The following TNRC6A variants were observed in gnomAD, a reference collection of about 807,000 sequenced individuals.
TNRC6A encodes trinucleotide repeat-containing gene 6A protein.
In TNRC6A, 44 loss-of-function variants were observed where a neutral mutation model predicts 221.2. The observed-to-expected ratio is 0.20, with a 90% CI of 0.16 to 0.26. The LOEUF (loss-of-function observed/expected upper bound fraction) is 0.26, where lower values mean the gene tolerates loss of function less well. TNRC6A is among the 10% of genes least tolerant of loss of function. TNRC6A has a pLI of 1.00. For missense variants in TNRC6A, 2,199 were observed against 2,404.4 expected, an observed-to-expected ratio of 0.91 and a Z score of 1.79; for synonymous variants, 847 against 838.5, an observed-to-expected ratio of 1.01 and a Z score of -0.18.
At chr16:24,626,869 G>T (rs866091917) in intron 1 of TNRC6A, among the ~76,000 whole-genome samples, 5 of 151,020 alleles carry the variant, frequency 3.3e-5, no homozygotes, top group East Asian at 3.9e-4. Context: ...AGCCAGGAAG[G>T]TCTCGATCTC....
intron 6 of TNRC6A, among the ~76,000 whole-genome samples, chr16:24,792,219 G>C (rs2058117654): frequency 6.6e-6 from 1 of 151,874 alleles, no homozygotes; most frequent in Admixed American, 6.6e-5. Flanking sequence ...CTTTAGAAGG[G>C]ATTTTTTTTT....
chr16:24,762,854 G>A (rs1200049365), intron 4 of TNRC6A, among the ~76,000 whole-genome samples: 1 of 152,194 alleles, frequency 6.6e-6, no homozygotes, highest in Non-Finnish European at 1.5e-5. Context: ...GACAAGATGT[G>A]AAGGACACAC....
At chr16:24,663,919 G>A (rs1567336017) in intron 2 of TNRC6A, 1 of 456,662 alleles carries the variant, frequency 2.2e-6, no homozygotes. Flanking sequence ...TAAGCCGTTA[G>A]CAGTTATCCT....
intron 2 of TNRC6A, among the ~76,000 whole-genome samples, chr16:24,743,619 TTTTTA>T (rs2056940060): frequency 1.3e-5 from 2 of 152,204 alleles, no homozygotes; most frequent in African/African-American, 4.8e-5. Flanking sequence ...CCTGCAGAGC[TTTTTA>T]TTTTGAGTTA....
rs184202054 is a variant in TNRC6A, at chr16:24,767,211, C to T, written c.163+8851C>T. Among the ~76,000 whole-genome samples the T allele has an allele frequency of 3.2e-4, 48 of 152,242 alleles. No individual in the cohort carries two copies. In the East Asian group the frequency reaches 9.3e-3, roughly 29 times the overall value. On this transcript the variant is annotated intron_variant, in intron 4 of 24. Transcript: ENST00000395799. ...CTAAATTTTGCCTAATCCCAGGTGC[C>T]CCATTGGGAATACATACGCTGAAGA...
chr16:24,650,120 A>C (rs1298813418), intron 2 of TNRC6A, among the ~76,000 whole-genome samples: 1 of 150,822 alleles, frequency 6.6e-6, no homozygotes, highest in Non-Finnish European at 1.5e-5. Flanking sequence ...CACCACACCC[A>C]GCCTCCAGTC....
chr16:24,709,927 T>A (rs1343640779), intron 2 of TNRC6A, among the ~76,000 whole-genome samples: 5 of 152,264 alleles, frequency 3.3e-5, no homozygotes, highest in Non-Finnish European at 7.3e-5. Flanking sequence ...GGTATAAATT[T>A]TTTTTAAATT....
chr16:24,795,050 G>C (rs1436625691), intron 8 of TNRC6A, among the ~76,000 whole-genome samples: 1 of 152,078 alleles, frequency 6.6e-6, no homozygotes, highest in Admixed American at 6.6e-5. Context: ...CCATCCCACT[G>C]CCAGTTCATC....
chr16:24,756,589 T>C (rs1420653479), intron 3 of TNRC6A, among the ~76,000 whole-genome samples: 2 of 152,216 alleles, frequency 1.3e-5, no homozygotes, highest in African/African-American at 4.8e-5. Context: ...AGCATCTTTT[T>C]CCAAAGGAGT....
chr16:24,788,012 C>T (rs1313460864), intron 5 of TNRC6A, among the ~76,000 whole-genome samples: 2 of 152,188 alleles, frequency 1.3e-5, no homozygotes, highest in Non-Finnish European at 2.9e-5. Context: ...AGTCAGAATG[C>T]ACGTGACTTA....
intron 4 of TNRC6A, among the ~76,000 whole-genome samples, chr16:24,769,618 A>T (rs936184315): frequency 3.9e-5 from 6 of 152,126 alleles, no homozygotes; most frequent in Admixed American, 6.5e-5. Flanking sequence ...CACATTAATG[A>T]TCTCAGTGGC....
chr16:24,825,397 G>T lies in TNRC6A; in HGVS notation c.*1590G>T, dbSNP rs1259094537. On this transcript the variant is annotated 3_prime_UTR_variant, in exon 25 of 25. Transcript: ENST00000395799. The stretch of plus-strand genomic sequence containing the variant: ...AATGTGATTGTAAAATGTACAGTTT[G>T]GTTGTGTTTGAATTATGAAATTTCT... 6.6e-6 allele frequency: 1 copy of T among 152,542 alleles called. No homozygotes were observed. Among genetic ancestry groups the T allele is most frequent in the Admixed American group, 6.5e-5 (1 of 15,274 alleles). The allele number at this position is 152,542 out of a possible 1,614,324, so 9.4% of individuals were successfully genotyped here.
rs1265945413 is a variant in TNRC6A at position 24,691,515 on chromosome 16, T to C, written n.402+50506T>C. Among the ~76,000 whole-genome samples, 5 of 152,036 alleles carry C rather than the reference T, an allele frequency of 3.3e-5. No homozygotes were observed. In the East Asian group the frequency reaches 9.7e-4, roughly 29 times the overall value. ...CAGACGCGGTGGCTCACACCTGTAATCCCAGCACTTTGGGAAGCCAAAGTG... is the reference window on the plus strand; with the variant it reads ...CAGACGCGGTGGCTCACACCTGTAACCCCAGCACTTTGGGAAGCCAAAGTG... On this transcript the variant is annotated intron_variant and non_coding_transcript_variant, in intron 2 of 2. Transcript: ENST00000566108.
chr16:24,792,523 TATTA>T (rs1337166479), intron 6 of TNRC6A, among the ~76,000 whole-genome samples: 2 of 151,794 alleles, frequency 1.3e-5, no homozygotes, highest in African/African-American at 4.8e-5. Flanking sequence ...TAGTTTGTTG[TATTA>T]ATTTAGGTTT....
rs72770407 is a variant in TNRC6A, at chr16:24,789,576, C to T, written c.934C>T (p.Pro312Ser). ...NNVGHGSSTGPWGFSHGAIIS... is the reference protein window; with the variant it reads ...NNVGHGSSTGSWGFSHGAIIS... Reference sequence around the variant, plus strand: ...TGTGGGCCATGGAAGTAGTACTGGGCCATGGGGTTTTTCCCATGGAGCCAT... The same window carrying T: ...TGTGGGCCATGGAAGTAGTACTGGGTCATGGGGTTTTTCCCATGGAGCCAT... The change falls in exon 6 of 25, where the codon CCA becomes TCA. Residue 312 changes from proline to serine, a missense_variant. Physicochemically the swap from Pro to Ser is moderately conservative, Grantham distance 74. Transcript: ENST00000395799. 0.012 allele frequency: 18,649 copies of T among 1,614,004 alleles called. 190 individuals are homozygous for T. The highest frequency in any genetic ancestry group is 0.033 in the South Asian group (2,963 of 91,064).
chr16:24,706,246 T>TA (rs1446591484), intron 2 of TNRC6A, among the ~76,000 whole-genome samples: 2 of 152,140 alleles, frequency 1.3e-5, no homozygotes, highest in East Asian at 3.9e-4. Context: ...TTTATATCAA[T>TA]AAAAATACAT....
intron 2 of TNRC6A, among the ~76,000 whole-genome samples, chr16:24,746,330 G>A (rs2057010002): frequency 1.3e-5 from 2 of 152,176 alleles, no homozygotes; most frequent in South Asian, 2.1e-4. Context: ...GTAGGCCGAG[G>A]TAGGAGGATT....
At position 24,823,340 on chromosome 16, in the gene TNRC6A, T is replaced by G. The variant is rs2058806208; in HGVS notation, c.5514-92T>G. The G allele has an allele frequency of 6.8e-7, 1 of 1,479,950 alleles. No homozygotes were observed. The highest frequency in any genetic ancestry group is 2.1e-5 in the Admixed American group (1 of 48,390). 91.7% of individuals were successfully genotyped at this position (1,479,950 alleles called of 1,614,324 possible). ...CTCCCTCTGTGCCTTCTGTGGCTTT[T>G]CTAGCAGAGACAAGTTGCACCCTCA... On this transcript the variant is annotated intron_variant, in intron 24 of 24. Transcript: ENST00000395799. The surrounding 1 kb of genome is among the most constrained non-coding windows in gnomAD (Gnocchi z 4.3).
At position 24,789,728 on chromosome 16, in the gene TNRC6A, T is replaced by G. The variant is rs766659978; in HGVS notation, c.1086T>G (p.Asn362Lys). 1.2e-6 allele frequency: 2 copies of G among 1,614,238 alleles called. No individual in the cohort carries two copies. The highest frequency in any genetic ancestry group is 2.7e-5 in the African/African-American group (2 of 75,070). Residue 362 changes from asparagine to lysine, a missense_variant, in exon 6 of 25, where the codon AAT becomes AAG. This residue lies in a region of TNRC6A where 1,405 missense variants were observed against 1,400.2 expected (regional missense o/e 1.00). Transcript: ENST00000395799. ...SNGGLNPSTL[N>K]SASNHGAWPV... ...GAGGGTTAAATCCAAGCACTTTGAA[T>G]TCAGCTAGCAACCATGGTGCCTGGC...
Sources: gnomAD v4.1 joint callset for allele counts (sites outside exome capture counted in the v4.1 genomes callset) on GRCh38, gnomAD v4.1.1 for gene constraint, gnomAD v4.1.1 regional missense constraint, Gnocchi (gnomAD v3.1) non-coding constraint, MANE v1.5 for transcripts, NCBI Gene and HGNC (gene_info 2026-07-23, HGNC 2026-07-21) for gene names.